CSMD1: variants seen among roughly 807,000 people sequenced by gnomAD.
CSMD1 encodes CUB and sushi domain-containing protein 1.
Under a neutral mutation model 417.5 loss-of-function variants are expected in CSMD1, and 213 were observed. That is an observed-to-expected ratio of 0.51 (90% CI 0.46 to 0.57). CSMD1 has a LOEUF of 0.57. CSMD1 is among the 20% of genes least tolerant of loss of function. The pLI is 0.00. For missense variants in CSMD1, 6,923 were observed against 4,529.7 expected, an observed-to-expected ratio of 1.53 and a Z score of -15.17; for synonymous variants, 2,862 against 1,736.8, an observed-to-expected ratio of 1.65 and a Z score of -16.11.
At chr8:3,502,895 G>A (rs909043585) in intron 10 of CSMD1, among the ~76,000 whole-genome samples, 2 of 152,072 alleles carry the variant, frequency 1.3e-5, no homozygotes, top group Middle Eastern at 3.2e-3. Flanking sequence ...CATCATGCAT[G>A]AACAGCATGA....
intron 5 of CSMD1, among the ~76,000 whole-genome samples, chr8:3,994,954 A>C (rs1815087169): frequency 6.6e-6 from 1 of 151,954 alleles, no homozygotes; most frequent in Non-Finnish European, 1.5e-5. Flanking sequence ...ACTCACAGTC[A>C]CTCGCACCAC....
At chr8:3,185,075 C>A (rs919134792) in intron 36 of CSMD1, among the ~76,000 whole-genome samples, 1 of 152,202 alleles carries the variant, frequency 6.6e-6, no homozygotes, top group African/African-American at 2.4e-5. Flanking sequence ...CTATCAAGAA[C>A]TGAAGGGACC....
At chr8:3,132,311 C>G (rs576616374) in intron 41 of CSMD1, among the ~76,000 whole-genome samples, 113 of 151,590 alleles carry the variant, frequency 7.5e-4, no homozygotes, top group African/African-American at 2.6e-3. Flanking sequence ...TAGCTCTTGG[C>G]ACAGAAATTA....
At chr8:4,049,674 G>A (rs534293021) in intron 3 of CSMD1, among the ~76,000 whole-genome samples, 3 of 152,070 alleles carry the variant, frequency 2.0e-5, no homozygotes, top group Non-Finnish European at 4.4e-5. Context: ...CATAGGTATA[G>A]ATATTTTTAT....
Position 4,068,127 on chromosome 8 carries a change from G to T in CSMD1, c.416-36028C>A, listed in dbSNP as rs541415838. On this transcript the variant is annotated intron_variant, in intron 3 of 69. Coordinates refer to ENST00000635120, the MANE Select transcript of CSMD1 (RefSeq NM_033225.6). ...GGGACACAACAGTGAGTGTCTTCTT[G>T]CAGAGCCACACAGAAGGGTCTATAG... 3.9e-5 allele frequency among the ~76,000 whole-genome samples: 6 copies of T among 152,220 alleles called. No individual in the cohort carries two copies. In the East Asian group the frequency reaches 1.2e-3, roughly 29 times the overall value.
intron 5 of CSMD1, among the ~76,000 whole-genome samples, chr8:3,806,162 T>C (rs2129074621): frequency 6.6e-6 from 1 of 152,292 alleles, no homozygotes; most frequent in Middle Eastern, 3.4e-3. Context: ...ACACAACCCA[T>C]CATATAAGAT....
chr8:4,474,458 G>T (rs763223414), intron 2 of CSMD1, among the ~76,000 whole-genome samples: 1 of 152,190 alleles, frequency 6.6e-6, no homozygotes, highest in Non-Finnish European at 1.5e-5. Flanking sequence ...AGAATGGAGA[G>T]AGACTGAAAA....
intron 1 of CSMD1, among the ~76,000 whole-genome samples, chr8:4,686,195 C>A (rs558406212): frequency 3.5e-4 from 53 of 152,338 alleles, no homozygotes; most frequent in African/African-American, 1.2e-3. Flanking sequence ...CTTCTTTCAC[C>A]TTTGGAGTTA....
chr8:3,622,238 C>T (rs1304007622), intron 7 of CSMD1, among the ~76,000 whole-genome samples: 1 of 152,140 alleles, frequency 6.6e-6, no homozygotes, highest in Non-Finnish European at 1.5e-5. Flanking sequence ...TTTCTGCCAT[C>T]ACAGGCTGGA....
rs137947887 is a variant in CSMD1 at position 3,995,576 on chromosome 8, G to C, written c.818+2327C>G. On this transcript the variant is annotated intron_variant, in intron 5 of 69. Coordinates refer to ENST00000635120, the MANE Select transcript of CSMD1 (RefSeq NM_033225.6). ...CATAGAGAGAAGAAAATGCCGTGGA[G>C]TCAGAGACCTTGAACCTGAGCTCTG... 3.4e-3 allele frequency among the ~76,000 whole-genome samples: 522 copies of C among 152,292 alleles called. 2 individuals carry two copies. The highest frequency in any genetic ancestry group is 6.8e-3 in the Middle Eastern group (2 of 294).
intron 3 of CSMD1, among the ~76,000 whole-genome samples, chr8:4,240,770 T>A (rs1430073481): frequency 6.6e-6 from 1 of 152,214 alleles, no homozygotes; most frequent in African/African-American, 2.4e-5. Context: ...TAATTTTTTC[T>A]TATAATAAAA....
chr8:4,915,975 A>C lies in CSMD1; in HGVS notation c.85+78357T>G, dbSNP rs550277670. 1.7e-4 allele frequency among the ~76,000 whole-genome samples: 26 copies of C among 152,294 alleles called. No homozygotes were observed. In the South Asian group the frequency reaches 5.2e-3, roughly 30 times the overall value. On this transcript the variant is annotated intron_variant, in intron 1 of 69. Coordinates refer to ENST00000635120, the MANE Select transcript of CSMD1 (RefSeq NM_033225.6). ...CCACAGGAACATCTTCTCTTCCGCTAGTTCCCATCCCTGGTCCAGCTTGCA... is the reference window on the plus strand; with the variant it reads ...CCACAGGAACATCTTCTCTTCCGCTCGTTCCCATCCCTGGTCCAGCTTGCA...
intron 1 of CSMD1, among the ~76,000 whole-genome samples, chr8:4,864,780 G>C (rs1563622620): frequency 6.6e-6 from 1 of 151,126 alleles, no homozygotes; most frequent in Non-Finnish European, 1.5e-5. Flanking sequence ...TCATACGTTA[G>C]CTAAAGCAGA....
intron 2 of CSMD1, among the ~76,000 whole-genome samples, chr8:4,503,819 C>T (rs975585962): frequency 3.3e-5 from 5 of 151,996 alleles, no homozygotes; most frequent in South Asian, 2.1e-4. Flanking sequence ...CACCTATGTG[C>T]GGCTTTTAAA....
intron 17 of CSMD1, among the ~76,000 whole-genome samples, chr8:3,390,208 A>C (rs1023877527): frequency 6.6e-6 from 1 of 151,866 alleles, no homozygotes; most frequent in Non-Finnish European, 1.5e-5. Context: ...TATAAAAATT[A>C]GCCAGGTGTG....
At chr8:4,139,246 C>A (rs1803628576) in intron 3 of CSMD1, among the ~76,000 whole-genome samples, 1 of 152,164 alleles carries the variant, frequency 6.6e-6, no homozygotes, top group South Asian at 2.1e-4. Context: ...GCGAATTTAG[C>A]TTCATTATGC....
At chr8:4,236,685 G>A (rs1406901163) in intron 3 of CSMD1, among the ~76,000 whole-genome samples, 5 of 152,142 alleles carry the variant, frequency 3.3e-5, no homozygotes, top group East Asian at 3.8e-4. Flanking sequence ...AACTCTTCAA[G>A]CTTTGGTCCC....
chr8:3,841,132 C>A (rs969597563), intron 5 of CSMD1, among the ~76,000 whole-genome samples: 1 of 151,988 alleles, frequency 6.6e-6, no homozygotes, highest in African/African-American at 2.4e-5. Flanking sequence ...ACTATTGGCC[C>A]CCTCATGAGG....
In CSMD1 at chr8:4,180,152, C is replaced by A. The variant is rs552308858; in HGVS notation, c.416-148053G>T. Among the ~76,000 whole-genome samples, 3 of 152,168 alleles carry A rather than the reference C, an allele frequency of 2.0e-5. No homozygotes were observed. In the East Asian group the frequency reaches 5.8e-4, roughly 29 times the overall value. On this transcript the variant is annotated intron_variant, in intron 3 of 69. Coordinates refer to ENST00000635120, the MANE Select transcript of CSMD1 (RefSeq NM_033225.6). ...CATATGTTTACTGCGGCACTATTCA[C>A]GACAGCAAAGACTTGGAACCAACCC...
Sources: gnomAD v4.1 joint callset for allele counts (sites outside exome capture counted in the v4.1 genomes callset) on GRCh38, gnomAD v4.1.1 for gene constraint, MANE v1.5 for transcripts, NCBI Gene and HGNC (gene_info 2026-07-23, HGNC 2026-07-21) for gene names.